Variants in KDM6A observed in about 807,000 individuals in gnomAD.
KDM6A encodes lysine demethylase 6A.
A neutral mutation model predicts 117.6 loss-of-function variants in KDM6A; 11 were observed. The observed-to-expected ratio is 0.09, with a 90% CI of 0.06 to 0.15. The LOEUF (loss-of-function observed/expected upper bound fraction) is 0.15. Ranked by LOEUF, KDM6A falls within the 10% of genes least tolerant of loss-of-function variation. The pLI is 1.00. For synonymous variants in KDM6A, 384 were observed against 396.1 expected, an observed-to-expected ratio of 0.97 and a Z score of 0.36; for missense variants, 799 against 1,077.3, an observed-to-expected ratio of 0.74 and a Z score of 3.62.
intron 2 of KDM6A, among the ~76,000 whole-genome samples, chrX:44,946,337 T>TG (rs2037630534): frequency 8.9e-6 from 1 of 111,794 alleles, no homozygotes; most frequent in South Asian, 3.7e-4. Context: ...GTGATCTGCC[T>TG]GCCTCAGCCT....
At chrX:45,007,421 A>G (rs1455779430) in intron 4 of KDM6A, among the ~76,000 whole-genome samples, 1 of 112,309 alleles carries the variant, frequency 8.9e-6, no homozygotes, top group Non-Finnish European at 1.9e-5. Flanking sequence ...TGTAAAAAAG[A>G]CTGCATTGAC....
intron 4 of KDM6A, among the ~76,000 whole-genome samples, chrX:44,986,300 TTTC>T (rs1356397943): frequency 8.9e-5 from 10 of 111,884 alleles, no homozygotes; most frequent in African/African-American, 3.3e-4. Context: ...TCTTCTCTCT[TTTC>T]TTCTTTATTA....
intron 23 of KDM6A, 59 bp from the exon 24 acceptor site, chrX:45,083,401 G>C (rs1367778092): frequency 9.1e-7 from 1 of 1,093,436 alleles, no homozygotes; most frequent in African/African-American, 1.8e-5. Flanking sequence ...TGAAGAAATG[G>C]TAAACTTCCA....
intron 2 of KDM6A, among the ~76,000 whole-genome samples, chrX:44,926,148 G>A (rs750648030): frequency 6.0e-5 from 6 of 99,776 alleles, no homozygotes; most frequent in African/African-American, 1.8e-4. Context: ...CCAGCTCACT[G>A]CAGCCTCCAT....
chrX:45,046,186 G>C (rs1476455047), intron 8 of KDM6A, among the ~76,000 whole-genome samples: 1 of 111,622 alleles, frequency 9.0e-6, no homozygotes, highest in African/African-American at 3.3e-5. Flanking sequence ...TAATAATAGA[G>C]CTAAAGGTAA....
At chrX:44,923,879 C>T (rs990053290) in intron 2 of KDM6A, among the ~76,000 whole-genome samples, 16 of 111,136 alleles carry the variant, frequency 1.4e-4, no homozygotes, top group African/African-American at 4.6e-4. Context: ...TCTGCCACCT[C>T]GCCTGGCTAA....
At chrX:45,056,540 C>G (rs770886868) in intron 10 of KDM6A, among the ~76,000 whole-genome samples, 3 of 112,120 alleles carry the variant, frequency 2.7e-5, no homozygotes, top group Non-Finnish European at 3.8e-5. Context: ...AATATTACAA[C>G]TGGGAGGGAC....
At chrX:44,889,663 A>G (rs1012476880) in intron 2 of KDM6A, among the ~76,000 whole-genome samples, 3 of 111,694 alleles carry the variant, frequency 2.7e-5, no homozygotes, top group Non-Finnish European at 5.6e-5. Context: ...TCATGATTCT[A>G]TGAAAAGAGG....
intron 2 of KDM6A, among the ~76,000 whole-genome samples, chrX:44,890,330 T>G (rs957342806): frequency 1.8e-5 from 2 of 112,620 alleles, no homozygotes; most frequent in Non-Finnish European, 3.7e-5. Context: ...TTCCGGTTTT[T>G]GGCTGTTGTG....
chrX:44,974,653 AT>A lies in KDM6A; in HGVS notation c.335-9del. On this transcript the variant is annotated splice_polypyrimidine_tract_variant and intron_variant, in intron 3 of 29. Coordinates refer to ENST00000611820, the MANE Select transcript of KDM6A (RefSeq NM_001291415.2). ...TGAGACATAATTATGACTCATAATT[AT>A]TTTCCTTTCAGCATTATCTGCATAC... is the stretch of plus-strand genomic sequence containing the variant. The A allele has an allele frequency of 8.8e-7, 1 of 1,132,300 alleles. No homozygotes were observed. Among genetic ancestry groups the A allele is most frequent in the Non-Finnish European group, 1.2e-6 (1 of 823,682 alleles). 93.3% of individuals were successfully genotyped at this position (1,132,300 alleles called of 1,213,427 possible).
At chrX:45,031,636 C>T (rs1449374358) in intron 6 of KDM6A, among the ~76,000 whole-genome samples, 2 of 111,504 alleles carry the variant, frequency 1.8e-5, no homozygotes, top group Non-Finnish European at 3.8e-5. Context: ...AACTTATAAC[C>T]AAATACATAA....
At position 45,060,664 on chromosome X, in the gene KDM6A, C is replaced by T; in HGVS notation, c.1385C>T (p.Pro462Leu). Residue 462 changes from proline to leucine, a missense_variant, in exon 14 of 30, where the codon CCA (proline) becomes CTA (leucine). Transcript: ENST00000611820. Reference sequence around the variant, plus strand: ...CCTGTATTAGGCCTCAGTCAAACACCAATTTCACAGCAATCCTTGCCACTA... The same window carrying T: ...CCTGTATTAGGCCTCAGTCAAACACTAATTTCACAGCAATCCTTGCCACTA... ...TEPVLGLSQT[P>L]ISQQSLPLHM... The T allele has an allele frequency of 9.3e-7, 1 of 1,070,194 alleles. No homozygotes were observed. The highest frequency in any genetic ancestry group is 1.2e-6 in the Non-Finnish European group (1 of 810,230). 88.2% of individuals were successfully genotyped at this position (1,070,194 alleles called of 1,213,427 possible).
In KDM6A at chrX:45,107,103, AT is replaced by A. The variant is rs57815060; in HGVS notation, c.4035-305del. On this transcript the variant is annotated intron_variant, in intron 27 of 29. Transcript: ENST00000611820. ...CAGAGAGGTTAACTGACTTGCCCAAATTAAGAGCCAAAATTAGCAACTCACA... is the reference window on the plus strand; with the variant it reads ...CAGAGAGGTTAACTGACTTGCCCAAATAAGAGCCAAAATTAGCAACTCACA... 33,781 of 219,019 alleles carry A rather than the reference AT, an allele frequency of 0.15. 4,974 individuals are homozygous for A. Among genetic ancestry groups the A allele is most frequent in the African/African-American group, 0.6 (20,055 of 33,154 alleles). 18.0% of individuals were successfully genotyped at this position (219,019 alleles called of 1,213,427 possible).
chrX:45,008,075 G>A (rs1324647882), intron 4 of KDM6A, among the ~76,000 whole-genome samples: 1 of 111,860 alleles, frequency 8.9e-6, no homozygotes, highest in Non-Finnish European at 1.9e-5. Context: ...CATGGGGAAG[G>A]TGGCATTTAA....
At chrX:44,903,196 A>G (rs1247222831) in intron 2 of KDM6A, among the ~76,000 whole-genome samples, 4 of 111,946 alleles carry the variant, frequency 3.6e-5, no homozygotes, top group African/African-American at 1.3e-4. Flanking sequence ...GTTTTTGTTT[A>G]TATAGTAATG....
intron 2 of KDM6A, among the ~76,000 whole-genome samples, chrX:44,906,924 C>T (rs866914771): frequency 2.0e-4 from 22 of 111,440 alleles, no homozygotes; most frequent in Admixed American, 9.6e-5. Context: ...CATTCTTTAG[C>T]GCTTTCTTCT....
chrX:44,876,898 C>A (rs1043246484), intron 2 of KDM6A, among the ~76,000 whole-genome samples: 4 of 110,720 alleles, frequency 3.6e-5, no homozygotes, highest in African/African-American at 9.9e-5. Context: ...TATATACACA[C>A]GTATACATAT....
chrX:45,057,608 C>CT lies in KDM6A; in HGVS notation c.876-1397dup, dbSNP rs751362297. Among the ~76,000 whole-genome samples the CT allele has an allele frequency of 3.6e-5, 4 of 111,015 alleles. No individual in the cohort carries two copies. In the South Asian group the frequency reaches 1.5e-3, roughly 41 times the overall value. ...ATTCCTATAAAGTGCTTTCAGTGTG[C>CT]TATTCTGCTTGTTAGAAAAGCAAAC... On this transcript the variant is annotated intron_variant, in intron 10 of 29. Transcript: ENST00000611820.
intron 4 of KDM6A, among the ~76,000 whole-genome samples, chrX:44,989,634 C>T (rs188166247): frequency 1.7e-4 from 19 of 111,903 alleles, no homozygotes; most frequent in African/African-American, 5.5e-4. Context: ...AGGGCTGTGC[C>T]GGAGGCAGAA....
Sources: allele counts gnomAD v4.1 joint callset (sites outside exome capture counted in the v4.1 genomes callset), GRCh38; gene constraint gnomAD v4.1.1; transcripts MANE v1.5; gene names NCBI Gene and HGNC (gene_info 2026-07-23, HGNC 2026-07-21).